Variants in IFT88 observed in about 807,000 individuals in gnomAD.
The protein encoded by IFT88 is intraflagellar transport 88, also known as intraflagellar transport protein 88 homolog.
A neutral mutation model predicts 119.5 loss-of-function variants in IFT88; 74 were observed. The ratio of observed to expected loss-of-function variants is 0.62; its 90% confidence interval spans 0.51 to 0.75. The LOEUF is 0.75. IFT88 is among the 30% of genes least tolerant of loss of function. The pLI, the probability that IFT88 is intolerant of heterozygous loss-of-function variation, is 0.00. For synonymous variants in IFT88, 279 were observed against 316.7 expected (o/e 0.88, Z 1.26); for missense variants, 961 against 977.7 (o/e 0.98, Z 0.23).
Position 20,597,023 on chromosome 13 carries a change from A to G in IFT88, c.498A>G (p.Glu166=), listed in dbSNP as rs1430799365. Residue 166 remains glutamate (E), a synonymous_variant, in exon 9 of 26, where the codon GAA becomes GAG. Transcript: ENST00000351808. The part of the protein sequence containing the change: ...NSCGDLKLAL[E]KAKDAGRKER... ...TATAAATCTGATTTCAGGCCTTAGA[A>G]AAGGCAAAAGATGCAGGAAGAAAAG... 3 of 1,595,944 alleles carry G rather than the reference A, an allele frequency of 1.9e-6. No individual in the cohort carries two copies. Among genetic ancestry groups the G allele is most frequent in the Non-Finnish European group, 2.6e-6 (3 of 1,170,266 alleles).
At chr13:20,585,921 C>T (rs2039583452) in intron 3 of IFT88, among the ~76,000 whole-genome samples, 1 of 152,202 alleles carries the variant, frequency 6.6e-6, no homozygotes, top group Non-Finnish European at 1.5e-5. Context: ...AGTGATTAGA[C>T]TGTAAGCTTT....
intron 10 of IFT88, 80 bp downstream of exon 10, chr13:20,598,833 T>A: frequency 4.8e-6 from 4 of 837,092 alleles, no homozygotes; most frequent in Non-Finnish European, 8.0e-6. Context: ...TTATGCTTCC[T>A]TAAAATGAAA....
chr13:20,589,993 T>TA, intron 4 of IFT88, 126 bp downstream of exon 4: 1 of 502,964 alleles, frequency 2.0e-6, no homozygotes, highest in South Asian at 3.8e-5. Flanking sequence ...TTTGGATACT[T>TA]ACAAACATTA....
chr13:20,576,104 A>G (rs1433853756), intron 2 of IFT88, among the ~76,000 whole-genome samples: 2 of 152,110 alleles, frequency 1.3e-5, no homozygotes, highest in Non-Finnish European at 2.9e-5. Flanking sequence ...TTTGATTTCC[A>G]TTTCTCTGAT....
At chr13:20,681,673 G>A (rs1189430949) in intron 24 of IFT88, among the ~76,000 whole-genome samples, 2 of 152,234 alleles carry the variant, frequency 1.3e-5, no homozygotes, top group Non-Finnish European at 2.9e-5. Context: ...TCCTAACTGT[G>A]GTTTGTAATT....
rs1174154005 is a variant in IFT88 at position 20,597,745 on chromosome 13, C to CAAAA, written c.594+633_594+636dup. ...TGGGCGACAGAGCGAGACTCCGTCT[C>CAAAA]AAAAAAAAAATATATATATATATAT... On this transcript the variant is annotated intron_variant, in intron 9 of 25. Coordinates refer to ENST00000351808, the MANE Select transcript of IFT88 (RefSeq NM_006531.5). 4.2e-3 allele frequency among the ~76,000 whole-genome samples: 586 copies of CAAAA among 140,904 alleles called. 4 individuals are homozygous for CAAAA. Among genetic ancestry groups the CAAAA allele is most frequent in the Middle Eastern group, 0.037 (10 of 268 alleles). The allele number at this position is 140,904 out of a possible 152,430, so 92.4% of individuals were successfully genotyped here. A position where few individuals can be genotyped will look rare whatever the true frequency, so the allele number is the denominator to read the frequency against.
chr13:20,582,918 T>C (rs1218689382), intron 2 of IFT88, 39 bp from the exon 3 acceptor site: 1 of 1,509,820 alleles, frequency 6.6e-7, no homozygotes, highest in Non-Finnish European at 9.1e-7. Context: ...CCCCAATTCT[T>C]ACTCTGTGTT....
intron 23 of IFT88, among the ~76,000 whole-genome samples, chr13:20,666,330 C>T (rs2054675101): frequency 6.6e-6 from 1 of 152,188 alleles, no homozygotes; most frequent in South Asian, 2.1e-4. Context: ...ACTTGGATGT[C>T]AGCAGGGTCC....
chr13:20,638,488 T>C lies in IFT88; in HGVS notation c.1543T>C (p.Ser515Pro). ...EFYKEALRND[S>P]SCTEALYNIG... ...CTATAAAGAGGCTCTAAGAAATGAT[T>C]CTTCTTGTACTGAAGCACTTTATAA... Residue 515 changes from serine to proline, a missense_variant, in exon 17 of 26, where the codon TCT (serine) becomes CCT (proline). Ser to Pro is a moderately conservative substitution (Grantham distance 74, BLOSUM62 -1). Coordinates refer to ENST00000351808, the MANE Select transcript of IFT88 (RefSeq NM_006531.5). The C allele has an allele frequency of 6.6e-7, 1 of 1,513,470 alleles. No individual in the cohort carries two copies. 93.8% of individuals were successfully genotyped at this position (1,513,470 alleles called of 1,614,324 possible). A position where few individuals can be genotyped will look rare whatever the true frequency, so the allele number is the denominator to read the frequency against.
chr13:20,581,305 A>G (rs1000546277), intron 2 of IFT88, among the ~76,000 whole-genome samples: 1 of 152,184 alleles, frequency 6.6e-6, no homozygotes, highest in Non-Finnish European at 1.5e-5. Flanking sequence ...CAAAAGTTGT[A>G]TAAGTTTGGT....
intron 14 of IFT88, among the ~76,000 whole-genome samples, chr13:20,620,067 G>A (rs955535694): frequency 6.6e-6 from 1 of 151,878 alleles, no homozygotes; most frequent in Non-Finnish European, 1.5e-5. Context: ...GTCCTTTTAA[G>A]GCAACTTTTG....
chr13:20,583,591 A>G (rs1259354875), intron 3 of IFT88, among the ~76,000 whole-genome samples: 1 of 152,144 alleles, frequency 6.6e-6, no homozygotes, highest in Non-Finnish European at 1.5e-5. Context: ...TGCTTTTCAC[A>G]CTGATGTGTC....
At chr13:20,679,681 A>G (rs535913960) in intron 24 of IFT88, among the ~76,000 whole-genome samples, 4 of 152,366 alleles carry the variant, frequency 2.6e-5, no homozygotes, top group Non-Finnish European at 5.9e-5. Context: ...GACAGACACA[A>G]CTATGTATCC....
intron 1 of IFT88, among the ~76,000 whole-genome samples, chr13:20,569,505 G>A (rs1210496401): frequency 3.3e-5 from 5 of 151,666 alleles, no homozygotes; most frequent in African/African-American, 9.7e-5. Flanking sequence ...CTCGGGAGGC[G>A]GAGCTTTCAG....
chr13:20,674,594 A>G (rs2056370668), intron 24 of IFT88, among the ~76,000 whole-genome samples: 1 of 151,776 alleles, frequency 6.6e-6, no homozygotes, highest in African/African-American at 2.4e-5. Flanking sequence ...TAGACTGAAA[A>G]TAATTTTATA....
intron 17 of IFT88, among the ~76,000 whole-genome samples, chr13:20,640,754 T>G (rs2049807582): frequency 6.6e-6 from 1 of 152,188 alleles, no homozygotes; most frequent in South Asian, 2.1e-4. Context: ...TGTTTGTCTA[T>G]TCCTGCCCCC....
chr13:20,653,910 A>G lies in IFT88; in HGVS notation c.1984A>G (p.Ser662Gly), dbSNP rs9552254. The change falls in exon 21 of 26, where the codon AGT (serine) becomes GGT (glycine). Residue 662 changes from serine to glycine, a missense_variant. Transcript: ENST00000351808. The stretch of plus-strand genomic sequence containing the variant: ...AGTGAAATGGCAGCTGATGGTAGCT[A>G]GTTGTTTCAGAAGAAGTGGTAAATG... The part of the protein sequence containing the change: ...TQVKWQLMVA[S>G]CFRRSGNYQK... 157 of 1,587,440 alleles carry G rather than the reference A, an allele frequency of 9.9e-5. 1 individual carries two copies. In the East Asian group the frequency reaches 2.1e-3, roughly 22 times the overall value.
chr13:20,656,836 C>T (rs947293275), intron 22 of IFT88, among the ~76,000 whole-genome samples: 2 of 152,136 alleles, frequency 1.3e-5, no homozygotes, highest in African/African-American at 4.8e-5. Context: ...AAAAACTGAA[C>T]ATTAATAATC....
intron 20 of IFT88, among the ~76,000 whole-genome samples, chr13:20,648,227 C>G (rs556869169): frequency 1.5e-4 from 23 of 152,254 alleles, no homozygotes; most frequent in African/African-American, 5.1e-4. Flanking sequence ...CAAGCTCTGT[C>G]TCTACTGAAA....
Sources: gnomAD v4.1 joint callset for allele counts (sites outside exome capture counted in the v4.1 genomes callset) on GRCh38, gnomAD v4.1.1 for gene constraint, MANE v1.5 for transcripts, NCBI Gene and HGNC (gene_info 2026-07-23, HGNC 2026-07-21) for gene names.